The following TIGAR variants were observed in gnomAD, a reference collection of about 807,000 sequenced individuals.
TIGAR encodes the protein TP53 induced glycolysis regulatory phosphatase, also known as fructose-2,6-bisphosphatase TIGAR.
Under a neutral mutation model 17.9 loss-of-function variants are expected in TIGAR, and 7 were observed. The observed-to-expected ratio is 0.39, with a 90% CI of 0.22 to 0.73. TIGAR has a LOEUF of 0.73. Ranked by LOEUF, TIGAR falls within the 30% of genes least tolerant of loss-of-function variation. The pLI, the probability that TIGAR is intolerant of heterozygous loss-of-function variation, is 0.42. For synonymous variants in TIGAR, 94 were observed against 108.6 expected (o/e 0.87, Z 0.84); for missense variants, 258 against 327.4 (o/e 0.79, Z 1.64).
At chr12:4,339,569 C>G (rs1187862134) in intron 3 of TIGAR, among the ~76,000 whole-genome samples, 3 of 152,138 alleles carry the variant, frequency 2.0e-5, no homozygotes, top group African/African-American at 7.2e-5. Context: ...TATCCTGATA[C>G]CAAAACCAGA....
intron 1 of TIGAR, among the ~76,000 whole-genome samples, chr12:4,325,447 G>A (rs1163389233): frequency 6.6e-6 from 1 of 151,840 alleles, no homozygotes; most frequent in Non-Finnish European, 1.5e-5. Flanking sequence ...ACCTTGTACA[G>A]ATACTTTATA....
chr12:4,338,975 CACAAAAA>C (rs1864689802), intron 3 of TIGAR, among the ~76,000 whole-genome samples: 2 of 38,194 alleles, frequency 5.2e-5, no homozygotes, highest in African/African-American at 2.0e-4. Flanking sequence ...AACTTTGTCT[CACAAAAA>C]AAAAAAAAAA....
intron 1 of TIGAR, among the ~76,000 whole-genome samples, chr12:4,326,553 G>T (rs1766093411): frequency 1.3e-5 from 2 of 152,204 alleles, no homozygotes; most frequent in South Asian, 2.1e-4. Context: ...TGCTGTGATT[G>T]TTAATAATAC....
Position 4,321,225 on chromosome 12 carries a change from A to C in TIGAR, c.-47A>C, listed in dbSNP as rs1182437858. 5.6e-6 allele frequency: 9 copies of C among 1,598,602 alleles called. No individual in the cohort carries two copies. Among genetic ancestry groups the C allele is most frequent in the Non-Finnish European group, 6.8e-6 (8 of 1,179,142 alleles). Reference sequence around the variant, plus strand: ...GTGTGGGGGAGGTAGCCCGCAGTGCAGGGGCAGCGCGGCGCGGGGCCACCG... The same window carrying C: ...GTGTGGGGGAGGTAGCCCGCAGTGCCGGGGCAGCGCGGCGCGGGGCCACCG... On this transcript the variant is annotated 5_prime_UTR_variant, in exon 1 of 6. Coordinates refer to ENST00000179259, the MANE Select transcript of TIGAR (RefSeq NM_020375.3). This position sits in a 1 kb window ranked among gnomAD's most constrained non-coding sequence, Gnocchi z 5.2.
At chr12:4,334,089 C>A (rs533711635) in intron 2 of TIGAR, among the ~76,000 whole-genome samples, 23 of 151,958 alleles carry the variant, frequency 1.5e-4, no homozygotes, top group Non-Finnish European at 1.5e-5. Flanking sequence ...TTCCCCACTA[C>A]CTTTCAAATG....
chr12:4,335,959 T>G (rs555640393), intron 2 of TIGAR, among the ~76,000 whole-genome samples: 49 of 152,366 alleles, frequency 3.2e-4, no homozygotes, highest in African/African-American at 1.2e-3. Context: ...CTACTTATTT[T>G]TGATGCTTAC....
chr12:4,337,877 T>C (rs1362499598), intron 3 of TIGAR, among the ~76,000 whole-genome samples: 1 of 152,242 alleles, frequency 6.6e-6, no homozygotes, highest in Non-Finnish European at 1.5e-5. Flanking sequence ...ATGCCTGTGA[T>C]CCCTGCACTT....
At position 4,347,130 on chromosome 12, in the gene TIGAR, A is replaced by G. The variant is rs570751882; in HGVS notation, c.193-2689A>G. On this transcript the variant is annotated intron_variant, in intron 3 of 5. Coordinates refer to ENST00000179259, the MANE Select transcript of TIGAR (RefSeq NM_020375.3). ...ATTGCAGCACTTTTTACAGTAGCCA[A>G]GATTTGGAAATAATCCAAATGTCCA... Among the ~76,000 whole-genome samples, 7 of 152,372 alleles carry G rather than the reference A, an allele frequency of 4.6e-5. No individual in the cohort carries two copies. The South Asian group carries it at 8.3e-4, about 18-fold the overall frequency.
intron 1 of TIGAR, among the ~76,000 whole-genome samples, chr12:4,330,950 T>G (rs571578272): frequency 6.6e-6 from 1 of 152,334 alleles, no homozygotes; most frequent in East Asian, 1.9e-4. Flanking sequence ...GTAGTTTTGA[T>G]CAATATATTT....
rs1314641875 is a variant in TIGAR, at chr12:4,354,474, CT to C, written c.*1784del. 6.6e-6 allele frequency: 1 copy of C among 151,956 alleles called. No individual in the cohort carries two copies. The highest frequency in any genetic ancestry group is 2.4e-5 in the African/African-American group (1 of 41,334). The allele number at this position is 151,956 out of a possible 1,614,324, so 9.4% of individuals were successfully genotyped here. A position where few individuals can be genotyped will look rare whatever the true frequency, so the allele number is the denominator to read the frequency against. On this transcript the variant is annotated 3_prime_UTR_variant, in exon 6 of 6. Transcript: ENST00000179259. ...GCAGTGAGTCTGTGTATATGTTCACCTGTTCATCTGCTTGCAATGTTCATCT... is the reference window on the plus strand; with the variant it reads ...GCAGTGAGTCTGTGTATATGTTCACCGTTCATCTGCTTGCAATGTTCATCT...
chr12:4,347,022 A>G (rs930604088), intron 3 of TIGAR, among the ~76,000 whole-genome samples: 1 of 152,168 alleles, frequency 6.6e-6, no homozygotes, highest in African/African-American at 2.4e-5. Context: ...AAATAGAGCT[A>G]CCATGTGATC....
At chr12:4,330,386 A>G (rs1864591362) in intron 1 of TIGAR, among the ~76,000 whole-genome samples, 1 of 152,178 alleles carries the variant, frequency 6.6e-6, no homozygotes, top group Non-Finnish European at 1.5e-5. Flanking sequence ...GGGTGGTGTA[A>G]CCTGCTATGA....
At chr12:4,323,059 A>G (rs1403910849) in intron 1 of TIGAR, among the ~76,000 whole-genome samples, 1 of 150,666 alleles carries the variant, frequency 6.6e-6, no homozygotes, top group East Asian at 2.0e-4. Context: ...TGAGCACAGG[A>G]GTTCAAGACC....
At chr12:4,335,843 AC>A (rs1394498863) in intron 2 of TIGAR, among the ~76,000 whole-genome samples, 8 of 150,582 alleles carry the variant, frequency 5.3e-5, no homozygotes, top group African/African-American at 2.0e-4. Flanking sequence ...AGTTCATTAA[AC>A]CTCCTTTCAT....
intron 1 of TIGAR, among the ~76,000 whole-genome samples, chr12:4,330,864 A>G (rs1244457162): frequency 1.3e-5 from 2 of 152,182 alleles, no homozygotes; most frequent in South Asian, 2.1e-4. Context: ...TTCCATTCAG[A>G]TTCTCTTTCA....
intron 3 of TIGAR, among the ~76,000 whole-genome samples, chr12:4,349,111 A>G (rs1055041934): frequency 2.0e-5 from 3 of 151,712 alleles, no homozygotes; most frequent in African/African-American, 7.3e-5. Flanking sequence ...GGGGATTAGT[A>G]AACATTTTCT....
intron 2 of TIGAR, among the ~76,000 whole-genome samples, chr12:4,332,587 C>T (rs975269819): frequency 6.6e-5 from 10 of 152,228 alleles, no homozygotes; most frequent in African/African-American, 2.2e-4. Flanking sequence ...TTTGCATGCC[C>T]GTAGTTTTGA....
rs932855461 is a variant in TIGAR, at chr12:4,359,392, C to G, written c.*6701C>G. Among the ~76,000 whole-genome samples, 4 of 152,060 alleles carry G rather than the reference C, an allele frequency of 2.6e-5. No homozygotes were observed. Among genetic ancestry groups the G allele is most frequent in the Non-Finnish European group, 5.9e-5 (4 of 68,024 alleles). On this transcript the variant is annotated 3_prime_UTR_variant, in exon 6 of 6. Coordinates refer to ENST00000179259, the MANE Select transcript of TIGAR (RefSeq NM_020375.3). ...TTCTTTCTGGTATTAACAATATGCTCCAGACTCATTCTTCCCGAGCCCCAG... is the reference window on the plus strand; with the variant it reads ...TTCTTTCTGGTATTAACAATATGCTGCAGACTCATTCTTCCCGAGCCCCAG...
Position 4,357,912 on chromosome 12 carries a change from G to T in TIGAR, c.*5221G>T, listed in dbSNP as rs1331860578. On this transcript the variant is annotated 3_prime_UTR_variant, in exon 6 of 6. Transcript: ENST00000179259. The stretch of plus-strand genomic sequence containing the variant: ...AGGTCAGGAGATAGAGACCATCCTG[G>T]CTAACACAGTGAAACCTCGTCTCCA... Among the ~76,000 whole-genome samples the T allele has an allele frequency of 6.6e-6, 1 of 150,900 alleles. No individual in the cohort carries two copies. Among genetic ancestry groups the T allele is most frequent in the African/African-American group, 2.4e-5 (1 of 40,918 alleles).
Sources: allele counts gnomAD v4.1 joint callset (sites outside exome capture counted in the v4.1 genomes callset), GRCh38; gene constraint gnomAD v4.1.1; non-coding constraint Gnocchi (gnomAD v3.1); transcripts MANE v1.5; gene names NCBI Gene and HGNC (gene_info 2026-07-23, HGNC 2026-07-21).